ARHGAP15: variants seen among roughly 807,000 people sequenced by gnomAD.
ARHGAP15 encodes rho GTPase-activating protein 15.
In ARHGAP15, 51 loss-of-function variants were observed where a neutral mutation model predicts 63.7. The ratio of observed to expected loss-of-function variants is 0.80; its 90% confidence interval spans 0.64 to 1.01. ARHGAP15 has a LOEUF of 1.01. ARHGAP15 is among the 50% of genes least tolerant of loss of function. The pLI is 0.00. For synonymous variants in ARHGAP15, 191 were observed against 193.8 expected, an observed-to-expected ratio of 0.99 and a Z score of 0.12; for missense variants, 560 against 564.6, an observed-to-expected ratio of 0.99 and a Z score of 0.08.
intron 3 of ARHGAP15, among the ~76,000 whole-genome samples, chr2:143,207,495 A>AACACACAC (rs70982851): frequency 1.9e-4 from 27 of 145,862 alleles, no homozygotes; most frequent in African/African-American, 6.8e-4. Context: ...CACACACATA[A>AACACACAC]ACACACACAC....
intron 12 of ARHGAP15, among the ~76,000 whole-genome samples, chr2:143,700,025 T>C (rs1054063019): frequency 1.3e-5 from 2 of 152,180 alleles, no homozygotes; most frequent in African/African-American, 4.8e-5. Context: ...CACTAATTCC[T>C]TTTTCATTCA....
intron 10 of ARHGAP15, among the ~76,000 whole-genome samples, chr2:143,522,595 A>G (rs996215884): frequency 2.0e-5 from 3 of 152,270 alleles, no homozygotes; most frequent in Middle Eastern, 3.4e-3. Flanking sequence ...CATGTAGAGC[A>G]GGGGTATCTA....
At chr2:143,767,938 AACTTC>A in intron 13 of ARHGAP15, 46 bp from the exon 14 acceptor site, 3 of 1,560,430 alleles carry the variant, frequency 1.9e-6, no homozygotes, top group Non-Finnish European at 2.6e-6. Context: ...AAGTAGCCAT[AACTTC>A]ACTTCAAACT....
intron 3 of ARHGAP15, among the ~76,000 whole-genome samples, chr2:143,212,311 T>C (rs1437128979): frequency 1.3e-5 from 2 of 152,362 alleles, no homozygotes; most frequent in South Asian, 4.1e-4. Context: ...TTCTCATCTG[T>C]ATCTCAGCAT....
intron 6 of ARHGAP15, among the ~76,000 whole-genome samples, chr2:143,270,732 G>C (rs1477790633): frequency 6.6e-6 from 1 of 152,020 alleles, no homozygotes; most frequent in Non-Finnish European, 1.5e-5. Flanking sequence ...CAAGTCTCCT[G>C]GTCAACTTTT....
chr2:143,379,623 A>G (rs1415653702), intron 6 of ARHGAP15, among the ~76,000 whole-genome samples: 1 of 151,618 alleles, frequency 6.6e-6, no homozygotes, highest in African/African-American at 2.4e-5. Flanking sequence ...TCTAATGTGA[A>G]CTTTCATTGT....
chr2:143,709,025 C>G (rs1042401782), intron 13 of ARHGAP15, among the ~76,000 whole-genome samples: 4 of 152,090 alleles, frequency 2.6e-5, no homozygotes, highest in Non-Finnish European at 5.9e-5. Context: ...TCCACCTAGG[C>G]CTGGTGCTGC....
intron 13 of ARHGAP15, among the ~76,000 whole-genome samples, chr2:143,704,164 A>T (rs1684220596): frequency 6.6e-6 from 1 of 152,218 alleles, no homozygotes; most frequent in African/African-American, 2.4e-5. Context: ...GCATCAGATC[A>T]CATAGGTTCT....
At chr2:143,742,766 G>A (rs1686009924) in intron 13 of ARHGAP15, among the ~76,000 whole-genome samples, 1 of 152,204 alleles carries the variant, frequency 6.6e-6, no homozygotes, top group Admixed American at 6.5e-5. Flanking sequence ...CTGGCCCGGA[G>A]GCTTGTCAGT....
chr2:143,203,888 C>T (rs1692224038), intron 3 of ARHGAP15, among the ~76,000 whole-genome samples: 1 of 152,078 alleles, frequency 6.6e-6, no homozygotes, highest in African/African-American at 2.4e-5. Flanking sequence ...AACTTCAGTA[C>T]TATAAATTCT....
intron 10 of ARHGAP15, among the ~76,000 whole-genome samples, chr2:143,545,463 G>A (rs1695289925): frequency 6.6e-6 from 1 of 151,844 alleles, no homozygotes; most frequent in Non-Finnish European, 1.5e-5. Flanking sequence ...TTGGAACAGA[G>A]TTATTTCAGA....
At chr2:143,165,989 A>AAGGAAG (rs1466752483) in intron 2 of ARHGAP15, among the ~76,000 whole-genome samples, 1 of 135,230 alleles carries the variant, frequency 7.4e-6, no homozygotes, top group African/African-American at 2.9e-5. Flanking sequence ...AAAGAAAGAA[A>AAGGAAG]GAAAGAAAGA....
chr2:143,161,679 T>C (rs1690303785), intron 2 of ARHGAP15, among the ~76,000 whole-genome samples: 1 of 151,720 alleles, frequency 6.6e-6, no homozygotes, highest in African/African-American at 2.4e-5. Flanking sequence ...TCCAATTCTA[T>C]ATGAGGGGGA....
At chr2:143,762,636 A>C (rs1462025181) in intron 13 of ARHGAP15, among the ~76,000 whole-genome samples, 1 of 152,166 alleles carries the variant, frequency 6.6e-6, no homozygotes, top group Non-Finnish European at 1.5e-5. Flanking sequence ...AGTGTTACTC[A>C]AAAAAGAGAA....
chr2:143,692,232 T>C (rs1351749202), intron 12 of ARHGAP15, among the ~76,000 whole-genome samples: 1 of 152,114 alleles, frequency 6.6e-6, no homozygotes, highest in African/African-American at 2.4e-5. Context: ...TAGGGTTAGA[T>C]AAATAAAAGG....
intron 12 of ARHGAP15, among the ~76,000 whole-genome samples, chr2:143,698,199 A>G (rs996198555): frequency 3.3e-5 from 5 of 152,182 alleles, no homozygotes; most frequent in South Asian, 2.1e-4. Flanking sequence ...ACATGAAGCT[A>G]TAAGAACAAT....
intron 6 of ARHGAP15, among the ~76,000 whole-genome samples, chr2:143,367,783 A>G (rs1250994295): frequency 1.3e-5 from 2 of 152,042 alleles, no homozygotes; most frequent in African/African-American, 4.8e-5. Flanking sequence ...ATTTGTCACA[A>G]ACAGCATTAA....
intron 10 of ARHGAP15, chr2:143,519,573 T>C: frequency 2.7e-6 from 1 of 368,912 alleles, no homozygotes. Flanking sequence ...TTCTTTTTTG[T>C]TTTTAATATT....
At chr2:143,501,175 A>C (rs1693037824) in intron 9 of ARHGAP15, among the ~76,000 whole-genome samples, 1 of 152,172 alleles carries the variant, frequency 6.6e-6, no homozygotes, top group Non-Finnish European at 1.5e-5. Context: ...GATTCCGAAT[A>C]CTCTAAATTT....
Sources: allele counts gnomAD v4.1 joint callset (sites outside exome capture counted in the v4.1 genomes callset), GRCh38; gene constraint gnomAD v4.1.1; transcripts MANE v1.5; gene names NCBI Gene and HGNC (gene_info 2026-07-23, HGNC 2026-07-21).